The following CHERP variants were observed in gnomAD, a reference collection of about 807,000 sequenced individuals.
CHERP encodes calcium homeostasis endoplasmic reticulum protein.
A neutral mutation model predicts 113.8 loss-of-function variants in CHERP; 8 were observed. The ratio of observed to expected loss-of-function variants is 0.07; its 90% CI spans 0.04 to 0.13. The LOEUF (loss-of-function observed/expected upper bound fraction) is 0.13, where lower values mean the gene tolerates loss of function less well. CHERP is among the 10% of genes least tolerant of loss of function. The probability of loss-of-function intolerance (pLI) is 1.00; values close to 1 mark genes in which losing one functional copy is unlikely to be tolerated. For missense variants in CHERP, 884 were observed against 1,298.2 expected, an observed-to-expected ratio of 0.68 and a Z score of 4.90; for synonymous variants, 559 against 524.5, an observed-to-expected ratio of 1.07 and a Z score of -0.90.
In CHERP at chr19:16,523,058, G is replaced by A. The variant is rs181968256; in HGVS notation, c.1974C>T (p.Leu658=). ...GCCCACTGTGGGGCATTACCTTCAC[G>A]AGGGGGGCCATCAGCCCAGCAGGGA... is the stretch of plus-strand genomic sequence containing the variant. The part of the protein sequence containing the change: ...FDLPAGLMAP[L]VKLEDHEYKP... The change falls in exon 11 of 17, where the codon CTC becomes CTT. Residue 658 remains leucine, a synonymous_variant. Transcript: ENST00000546361. The surrounding 1 kb of genome is among the most constrained non-coding windows in gnomAD (Gnocchi z 4.0). The A allele has an allele frequency of 5.6e-5, 84 of 1,512,688 alleles. No homozygotes were observed. Among genetic ancestry groups the A allele is most frequent in the African/African-American group, 1.9e-4 (13 of 69,622 alleles). 93.7% of individuals were successfully genotyped at this position (1,512,688 alleles called of 1,614,324 possible). A position where few individuals can be genotyped will look rare whatever the true frequency, so the allele number is the denominator to read the frequency against.
At chr19:16,534,293 G>A (rs140762717) in intron 3 of CHERP, among the ~76,000 whole-genome samples, 49 of 152,138 alleles carry the variant, frequency 3.2e-4, no homozygotes, top group African/African-American at 1.1e-3. Context: ...CCTGTGATCC[G>A]CCTGCCTTGG....
At chr19:16,531,517 G>T (rs1188761791) in intron 5 of CHERP, among the ~76,000 whole-genome samples, 2 of 152,246 alleles carry the variant, frequency 1.3e-5, no homozygotes, top group African/African-American at 4.8e-5. Context: ...AGGGACGCAA[G>T]ACAGGAGGGG....
At chr19:16,534,475 T>G (rs2085728178) in intron 3 of CHERP, among the ~76,000 whole-genome samples, 1 of 151,998 alleles carries the variant, frequency 6.6e-6, no homozygotes, top group Non-Finnish European at 1.5e-5. Context: ...CTTGTAGTAT[T>G]TTATTTATTT....
rs560345842 is a variant in CHERP at position 16,520,799 on chromosome 19, G to C, written c.2201+27C>G. On this transcript the variant is annotated intron_variant, in intron 13 of 16. Transcript: ENST00000546361. This position sits in a 1 kb window ranked among gnomAD's most constrained non-coding sequence, Gnocchi z 4.0. The stretch of plus-strand genomic sequence containing the variant: ...CACAAGCTGTGGACCCTGGCCCCCC[G>C]GCCACTGCAGACATCTGCGCTTTTA... The C allele has an allele frequency of 1.2e-6, 2 of 1,607,270 alleles. No individual in the cohort carries two copies. Among genetic ancestry groups the C allele is most frequent in the African/African-American group, 1.3e-5 (1 of 74,918 alleles).
chr19:16,521,693 G>C (rs1020909433), intron 11 of CHERP, 39 bp from the exon 12 acceptor site: 5 of 1,518,928 alleles, frequency 3.3e-6, no homozygotes, highest in Non-Finnish European at 4.4e-6. Flanking sequence ...TGCCTGGGCA[G>C]AGCCCTCTCA....
In CHERP at chr19:16,519,578, G is replaced by A. The variant is rs191332183; in HGVS notation, c.2557+43C>T. The A allele has an allele frequency of 3.3e-5, 50 of 1,528,550 alleles. No homozygotes were observed. Among genetic ancestry groups the A allele is most frequent in the East Asian group, 1.8e-4 (8 of 44,368 alleles). The allele number at this position is 1,528,550 out of a possible 1,614,324, so 94.7% of individuals were successfully genotyped here. ...CGCTGGTGACTCCCGGGCCCAGCACGCGTGAGGACCCATCCCGCGCCCTCC... is the reference window on the plus strand; with the variant it reads ...CGCTGGTGACTCCCGGGCCCAGCACACGTGAGGACCCATCCCGCGCCCTCC... On this transcript the variant is annotated intron_variant, in intron 16 of 16. Coordinates refer to ENST00000546361, the MANE Select transcript of CHERP (RefSeq NM_006387.6). The surrounding 1 kb of genome is among the most constrained non-coding windows in gnomAD (Gnocchi z 6.0).
At position 16,525,765 on chromosome 19, in the gene CHERP, G is replaced by GGCA; in HGVS notation, c.1306-89_1306-88insTGC. ...CAGCGCTCGGCAGCATCACAGCGCT[G>GGCA]GCTCAGACCATGGAGGCGCTGCCCT... On this transcript the variant is annotated intron_variant, in intron 9 of 16. Transcript: ENST00000546361. The surrounding 1 kb of genome is among the most constrained non-coding windows in gnomAD (Gnocchi z 6.5). 12 of 1,263,394 alleles carry GGCA rather than the reference G, an allele frequency of 9.5e-6. No individual in the cohort carries two copies. The highest frequency in any genetic ancestry group is 1.3e-5 in the Non-Finnish European group (12 of 953,888). The allele number at this position is 1,263,394 out of a possible 1,614,324, so 78.3% of individuals were successfully genotyped here. A position where few individuals can be genotyped will look rare whatever the true frequency, so the allele number is the denominator to read the frequency against.
At position 16,532,992 on chromosome 19, in the gene CHERP, G is replaced by A; in HGVS notation, c.522+19C>T. The A allele has an allele frequency of 2.6e-6, 4 of 1,560,132 alleles. No homozygotes were observed. Among genetic ancestry groups the A allele is most frequent in the East Asian group, 4.8e-5 (2 of 41,826 alleles). On this transcript the variant is annotated intron_variant, in intron 4 of 16. Transcript: ENST00000546361. The surrounding 1 kb of genome is among the most constrained non-coding windows in gnomAD (Gnocchi z 4.4). Reference sequence around the variant, plus strand: ...GGGACCAAGGGAAAGCTGGGCTCTGGGAAGTGCTGGCCCCTCACCGAGATG... The same window carrying A: ...GGGACCAAGGGAAAGCTGGGCTCTGAGAAGTGCTGGCCCCTCACCGAGATG...
At position 16,529,738 on chromosome 19, in the gene CHERP, T is replaced by C. The variant is rs1192526747; in HGVS notation, c.1039A>G (p.Met347Val). 1.2e-6 allele frequency: 2 copies of C among 1,610,544 alleles called. No homozygotes were observed. Among genetic ancestry groups the C allele is most frequent in the South Asian group, 2.2e-5 (2 of 90,908 alleles). The change falls in exon 8 of 17, where the codon ATG becomes GTG. Residue 347 changes from methionine to valine, a missense_variant. Met to Val is a conservative substitution (Grantham distance 21, BLOSUM62 1). Coordinates refer to ENST00000546361, the MANE Select transcript of CHERP (RefSeq NM_006387.6). The stretch of plus-strand genomic sequence containing the variant: ...GGCGTGGCCTTGACTTCAGCCTCCA[T>C]CTGCGGCATCTGGAGCTGCTGCTGC... ...QQQQQLQMPQ[M>V]EAEVKATPPP...
intron 2 of CHERP, among the ~76,000 whole-genome samples, chr19:16,540,843 G>A (rs1283918311): frequency 5.9e-5 from 9 of 151,364 alleles, no homozygotes; most frequent in East Asian, 5.8e-4. Context: ...GACTACAGGC[G>A]CGGGCCACCA....
chr19:16,530,032 A>G lies in CHERP; in HGVS notation c.877-132T>C. 1 of 1,199,058 alleles carries G rather than the reference A, an allele frequency of 8.3e-7. No homozygotes were observed. Among genetic ancestry groups the G allele is most frequent in the East Asian group, 2.6e-5 (1 of 39,032 alleles). 74.3% of individuals were successfully genotyped at this position (1,199,058 alleles called of 1,614,324 possible). On this transcript the variant is annotated intron_variant, in intron 7 of 16. Coordinates refer to ENST00000546361, the MANE Select transcript of CHERP (RefSeq NM_006387.6). The surrounding 1 kb of genome is among the most constrained non-coding windows in gnomAD (Gnocchi z 4.1). ...CAGGTGGACAGGGAACCGTCACGTG[A>G]AACAGCCAACACAGTCTGGGCAATC...
At position 16,520,556 on chromosome 19, in the gene CHERP, C is replaced by T; in HGVS notation, c.2202-49G>A. On this transcript the variant is annotated intron_variant, in intron 13 of 16. Coordinates refer to ENST00000546361, the MANE Select transcript of CHERP (RefSeq NM_006387.6). The surrounding 1 kb of genome is among the most constrained non-coding windows in gnomAD (Gnocchi z 4.0). ...AGGTGCCCCAGTGGATGGGCTGCAC[C>T]CAGCCCACCCTGGCCCTCAGGTTCC... 1 of 1,574,604 alleles carries T rather than the reference C, an allele frequency of 6.4e-7. No individual in the cohort carries two copies. The highest frequency in any genetic ancestry group is 8.6e-7 in the Non-Finnish European group (1 of 1,158,476).
intron 11 of CHERP, among the ~76,000 whole-genome samples, 189 bp downstream of exon 11, chr19:16,522,863 G>C (rs574482408): frequency 1.3e-5 from 2 of 152,120 alleles, no homozygotes; most frequent in Non-Finnish European, 2.9e-5. Context: ...GGGCAGACAT[G>C]GTGTCGCTCA....
chr19:16,537,293 C>A (rs564028076), intron 2 of CHERP, among the ~76,000 whole-genome samples: 1 of 152,096 alleles, frequency 6.6e-6, no homozygotes, highest in East Asian at 2.0e-4. Context: ...CTTTCTCCCC[C>A]TTTACCAACC....
At position 16,535,404 on chromosome 19, in the gene CHERP, G is replaced by A; in HGVS notation, c.384+48C>T. 1 of 1,574,230 alleles carries A rather than the reference G, an allele frequency of 6.4e-7. No homozygotes were observed. Among genetic ancestry groups the A allele is most frequent in the Non-Finnish European group, 8.6e-7 (1 of 1,159,638 alleles). On this transcript the variant is annotated intron_variant, in intron 3 of 16. Transcript: ENST00000546361. This position sits in a 1 kb window ranked among gnomAD's most constrained non-coding sequence, Gnocchi z 4.3. ...CTGATGAGCAGACGCAAAAACAGAG[G>A]CACAGGGGAGCTGCTGGTGTCTGGC... is the stretch of plus-strand genomic sequence containing the variant.
intron 12 of CHERP, 198 bp downstream of exon 12, chr19:16,521,323 G>A: frequency 1.7e-6 from 1 of 583,912 alleles, no homozygotes; most frequent in South Asian, 2.3e-5. Context: ...TTCTTCTGAT[G>A]TGTCTCCATT....
intron 8 of CHERP, among the ~76,000 whole-genome samples, chr19:16,528,815 T>C (rs919720117): frequency 1.3e-5 from 2 of 152,140 alleles, no homozygotes; most frequent in African/African-American, 4.8e-5. Flanking sequence ...TAGCTGGGCA[T>C]GGTTGCGTGC....
chr19:16,527,873 C>T (rs185357883), intron 9 of CHERP, among the ~76,000 whole-genome samples: 99 of 152,328 alleles, frequency 6.5e-4, no homozygotes, highest in African/African-American at 1.6e-3. Context: ...CATCAAAGCT[C>T]GGGGAAGGGA....
chr19:16,538,640 G>A (rs1052081776), intron 2 of CHERP, among the ~76,000 whole-genome samples: 15 of 151,862 alleles, frequency 9.9e-5, no homozygotes, highest in African/African-American at 3.6e-4. Context: ...CCAAGATCTT[G>A]CCACTGTACT....
Sources: allele counts gnomAD v4.1 joint callset (sites outside exome capture counted in the v4.1 genomes callset), GRCh38; gene constraint gnomAD v4.1.1; non-coding constraint Gnocchi (gnomAD v3.1); transcripts MANE v1.5; gene names NCBI Gene and HGNC (gene_info 2026-07-23, HGNC 2026-07-21).